AKAP8L: variants seen among roughly 807,000 people sequenced by gnomAD.
AKAP8L encodes the protein A-kinase anchor protein 8-like.
Under a neutral mutation model 77.5 loss-of-function variants are expected in AKAP8L, and 34 were observed. The ratio of observed to expected loss-of-function variants is 0.44; its 90% confidence interval spans 0.33 to 0.58. The LOEUF (loss-of-function observed/expected upper bound fraction) is 0.58, where lower values mean the gene tolerates loss of function less well. Among genes scored for constraint, AKAP8L ranks in the 20% least tolerant of loss-of-function variants. AKAP8L has a pLI of 0.02. For synonymous variants in AKAP8L, 342 were observed against 340.7 expected (o/e 1.00, Z -0.04); for missense variants, 806 against 887.6 (o/e 0.91, Z 1.17).
chr19:15,410,855 C>G (rs958489707), intron 1 of AKAP8L, among the ~76,000 whole-genome samples: 2 of 152,144 alleles, frequency 1.3e-5, no homozygotes, highest in Admixed American at 6.6e-5. Flanking sequence ...TCACTCTGTC[C>G]GGGCTGCAAC....
intron 12 of AKAP8L, among the ~76,000 whole-genome samples, chr19:15,387,366 T>A (rs966836397): frequency 2.0e-5 from 3 of 152,222 alleles, no homozygotes; most frequent in Non-Finnish European, 4.4e-5. Flanking sequence ...GGCAAGAGTG[T>A]TGGGAAGTGC....
At chr19:15,415,683 A>C (rs7246358) in intron 1 of AKAP8L, among the ~76,000 whole-genome samples, 1 of 152,020 alleles carries the variant, frequency 6.6e-6, no homozygotes, top group Middle Eastern at 3.2e-3. Context: ...TCAGGAGATC[A>C]AGACCATCCT....
At position 15,397,888 on chromosome 19, in the gene AKAP8L, G is replaced by A; in HGVS notation, c.1158-33C>T. On this transcript the variant is annotated intron_variant, in intron 9 of 13. Transcript: ENST00000397410. The surrounding 1 kb of genome is among the most constrained non-coding windows in gnomAD (Gnocchi z 4.7). ...AGGAAGGAAACGAGGGGCTGAGGCTGCAAGTGTCCCAGGGGATAGTGCTGC... is the reference window on the plus strand; with the variant it reads ...AGGAAGGAAACGAGGGGCTGAGGCTACAAGTGTCCCAGGGGATAGTGCTGC... The A allele has an allele frequency of 6.2e-7, 1 of 1,607,302 alleles. No homozygotes were observed. Among genetic ancestry groups the A allele is most frequent in the Non-Finnish European group, 8.5e-7 (1 of 1,177,036 alleles).
intron 1 of AKAP8L, among the ~76,000 whole-genome samples, chr19:15,416,449 AG>A (rs1396996061): frequency 6.6e-6 from 1 of 152,196 alleles, no homozygotes; most frequent in Non-Finnish European, 1.5e-5. Flanking sequence ...AGCCAGCCCT[AG>A]GGAGAGATCC....
intron 2 of AKAP8L, among the ~76,000 whole-genome samples, chr19:15,405,290 T>G (rs1309097580): frequency 2.0e-5 from 3 of 152,108 alleles, no homozygotes; most frequent in Non-Finnish European, 2.9e-5. Context: ...TCCCAGCACT[T>G]CGGGAGGTCG....
Position 15,403,893 on chromosome 19 carries a change from A to G in AKAP8L, c.121+117T>C. 1.6e-6 allele frequency: 2 copies of G among 1,269,724 alleles called. No individual in the cohort carries two copies. Among genetic ancestry groups the G allele is most frequent in the Non-Finnish European group, 2.2e-6 (2 of 891,416 alleles). 78.7% of individuals were successfully genotyped at this position (1,269,724 alleles called of 1,614,324 possible). ...GAGGGCCTCCTGTTAAGGAGTAGGT[A>G]ACCCCAGAAACATGCCCCCTCCCCA... On this transcript the variant is annotated intron_variant, in intron 3 of 13. Coordinates refer to ENST00000397410, the MANE Select transcript of AKAP8L (RefSeq NM_014371.4). This position sits in a 1 kb window ranked among gnomAD's most constrained non-coding sequence, Gnocchi z 4.3.
Position 15,380,271 on chromosome 19 carries a change from C to CGGGGGCTGGCTCT in AKAP8L, c.1779_1791dup (p.Gly598ArgfsTer?), listed in dbSNP as rs1967373385. The CGGGGGCTGGCTCT allele has an allele frequency of 6.6e-7, 1 of 1,516,498 alleles. No homozygotes were observed. 93.9% of individuals were successfully genotyped at this position (1,516,498 alleles called of 1,614,324 possible). ...GGCGGCGGTGGCGGCGACACGGCCC[C>CGGGGGCTGGCTCT]GGGGGCTGGCTCTGGGGGCACGGGA... On this transcript the variant is annotated frameshift_variant, in exon 14 of 14. Transcript: ENST00000397410. LOFTEE classifies it high-confidence loss of function.
At chr19:15,418,586 G>T (rs1489552562) in intron 1 of AKAP8L, among the ~76,000 whole-genome samples, 1 of 152,218 alleles carries the variant, frequency 6.6e-6, no homozygotes, top group Non-Finnish European at 1.5e-5. Context: ...GGAAACCTAA[G>T]GCGTCGAGGT....
rs753551404 is a variant in AKAP8L, at chr19:15,401,257, G to A, written c.709C>T (p.Arg237Ter). ...IPEYGMFQGM[R>*]GGGAFPGGSR... ...CCGCCCGGGAAGGCGCCCCCACCTCGCATGCCCTGGAACATGCCGTACTCG... is the reference window on the plus strand; with the variant it reads ...CCGCCCGGGAAGGCGCCCCCACCTCACATGCCCTGGAACATGCCGTACTCG... Residue 237 changes from arginine to a stop codon, truncating the protein, a stop_gained, in exon 5 of 14, where the codon CGA becomes TGA. Transcript: ENST00000397410. LOFTEE classifies it high-confidence loss of function. The surrounding 1 kb of genome is among the most constrained non-coding windows in gnomAD (Gnocchi z 6.2). 4 of 1,613,762 alleles carry A rather than the reference G, an allele frequency of 2.5e-6. No homozygotes were observed. Among genetic ancestry groups the A allele is most frequent in the South Asian group, 2.2e-5 (2 of 91,086 alleles).
intron 12 of AKAP8L, among the ~76,000 whole-genome samples, chr19:15,388,472 TAGA>T (rs1418014241): frequency 6.6e-6 from 1 of 152,018 alleles, no homozygotes; most frequent in African/African-American, 2.4e-5. Flanking sequence ...AAAACTCAAG[TAGA>T]AGAAGGTATA....
rs947312120 is a variant in AKAP8L at position 15,401,071 on chromosome 19, C to A, written c.817-28G>T. The stretch of plus-strand genomic sequence containing the variant: ...GGGTCATAAGGGGGGGAAGCCGTGT[C>A]AGGGTGCATGGCACCCGGCCCTTAG... On this transcript the variant is annotated intron_variant, in intron 5 of 13. Coordinates refer to ENST00000397410, the MANE Select transcript of AKAP8L (RefSeq NM_014371.4). The surrounding 1 kb of genome is among the most constrained non-coding windows in gnomAD (Gnocchi z 6.2). 2.5e-6 allele frequency: 4 copies of A among 1,609,890 alleles called. No homozygotes were observed. Among genetic ancestry groups the A allele is most frequent in the Non-Finnish European group, 2.5e-6 (3 of 1,179,846 alleles).
intron 12 of AKAP8L, among the ~76,000 whole-genome samples, chr19:15,385,905 C>T (rs1568261512): frequency 7.0e-6 from 1 of 142,920 alleles, no homozygotes; most frequent in Non-Finnish European, 1.5e-5. Flanking sequence ...AGCCAACTTT[C>T]TTTCTTTTTT....
At position 15,397,434 on chromosome 19, in the gene AKAP8L, A is replaced by G; in HGVS notation, c.1405+86T>C. On this transcript the variant is annotated intron_variant, in intron 11 of 13. Coordinates refer to ENST00000397410, the MANE Select transcript of AKAP8L (RefSeq NM_014371.4). The surrounding 1 kb of genome is among the most constrained non-coding windows in gnomAD (Gnocchi z 4.7). ...TGGTCTCCTGACCTTCCCTGGGGGA[A>G]CAGAAGGGTGTCCTGACCCTGCACC... 6.7e-7 allele frequency: 1 copy of G among 1,484,528 alleles called. No homozygotes were observed. Among genetic ancestry groups the G allele is most frequent in the East Asian group, 2.3e-5 (1 of 42,984 alleles). 92.0% of individuals were successfully genotyped at this position (1,484,528 alleles called of 1,614,324 possible).
intron 2 of AKAP8L, 145 bp downstream of exon 2, chr19:15,410,375 C>G: frequency 7.6e-6 from 5 of 658,510 alleles, no homozygotes; most frequent in Non-Finnish European, 1.3e-5. Context: ...GAAAGGGAAG[C>G]ACTAGCTATT....
At chr19:15,408,305 C>G (rs2145144039) in intron 2 of AKAP8L, among the ~76,000 whole-genome samples, 1 of 152,262 alleles carries the variant, frequency 6.6e-6, no homozygotes, top group East Asian at 1.9e-4. Context: ...TGGCTCACAC[C>G]TGTAATCCTA....
Position 15,399,501 on chromosome 19 carries a change from C to G in AKAP8L, c.1049-91G>C. Reference sequence around the variant, plus strand: ...CTGGCTGAATCACCCACTGTCCACTCCAGAGGGTCCATCGAGAATAGCTGT... The same window carrying G: ...CTGGCTGAATCACCCACTGTCCACTGCAGAGGGTCCATCGAGAATAGCTGT... On this transcript the variant is annotated intron_variant, in intron 8 of 13. Transcript: ENST00000397410. The surrounding 1 kb of genome is among the most constrained non-coding windows in gnomAD (Gnocchi z 6.1). 1 of 913,012 alleles carries G rather than the reference C, an allele frequency of 1.1e-6. No homozygotes were observed. Among genetic ancestry groups the G allele is most frequent in the Non-Finnish European group, 1.8e-6 (1 of 553,278 alleles). The allele number at this position is 913,012 out of a possible 1,614,324, so 56.6% of individuals were successfully genotyped here.
At chr19:15,402,205 C>T (rs1967914726) in intron 4 of AKAP8L, among the ~76,000 whole-genome samples, 3 of 152,176 alleles carry the variant, frequency 2.0e-5, no homozygotes. Context: ...TACATCAACC[C>T]TGGAGCCCAG....
At chr19:15,408,717 A>G (rs2145144887) in intron 2 of AKAP8L, among the ~76,000 whole-genome samples, 1 of 151,842 alleles carries the variant, frequency 6.6e-6, no homozygotes, top group South Asian at 2.1e-4. Flanking sequence ...CCCCGTCTCT[A>G]CTGAAAATAC....
intron 12 of AKAP8L, among the ~76,000 whole-genome samples, chr19:15,394,936 G>A (rs1967737955): frequency 6.7e-6 from 1 of 149,058 alleles, no homozygotes; most frequent in Non-Finnish European, 1.5e-5. Context: ...CCTCTCTACG[G>A]TTACCAGCTG....
Sources: allele counts gnomAD v4.1 joint callset (sites outside exome capture counted in the v4.1 genomes callset), GRCh38; gene constraint gnomAD v4.1.1; non-coding constraint Gnocchi (gnomAD v3.1); transcripts MANE v1.5; gene names NCBI Gene and HGNC (gene_info 2026-07-23, HGNC 2026-07-21).